Variants in FAAH2 observed in about 807,000 individuals in gnomAD.
FAAH2 encodes fatty-acid amide hydrolase 2.
FAAH2 carries 60 observed loss-of-function variants against 36.9 expected under a neutral mutation model. The ratio of observed to expected loss-of-function variants is 1.63; its 90% CI spans 1.32 to 2.02. The LOEUF is 2.02. Ranked by LOEUF, FAAH2 falls within the 30% of genes most tolerant of loss-of-function variation. FAAH2 has a pLI of 0.00. For missense variants in FAAH2, 689 were observed against 397.5 expected (o/e 1.73, Z -6.23); for synonymous variants, 214 against 143.8 (o/e 1.49, Z -3.49).
chrX:57,443,709 G>C (rs1213416989), intron 8 of FAAH2, among the ~76,000 whole-genome samples: 1 of 111,728 alleles, frequency 9.0e-6, no homozygotes, highest in Admixed American at 9.5e-5. Context: ...AGAATTTTCA[G>C]CTTTTCTGCT....
Position 57,322,203 on chromosome X carries a change from C to T in FAAH2, c.413-9395C>T, listed in dbSNP as rs928374350. Among the ~76,000 whole-genome samples, 5 of 111,598 alleles carry T rather than the reference C, an allele frequency of 4.5e-5. No homozygotes were observed. The Admixed American group carries it at 4.8e-4, about 11-fold the overall frequency. On this transcript the variant is annotated intron_variant, in intron 3 of 10. Coordinates refer to ENST00000374900, the MANE Select transcript of FAAH2 (RefSeq NM_174912.4). Reference sequence around the variant, plus strand: ...ATTTTTAGTAGAGACGGGGTTTCACCGTGGTCTCGATCTTCTGACCTCGTG... The same window carrying T: ...ATTTTTAGTAGAGACGGGGTTTCACTGTGGTCTCGATCTTCTGACCTCGTG...
At chrX:57,237,758 G>A in the FAAH2 span, among the ~76,000 whole-genome samples, 1 of 110,418 alleles carries the variant, frequency 9.1e-6, no homozygotes, top group South Asian at 3.8e-4. Context: ...ATCTGAAAAA[G>A]ATCTAATATC....
chrX:57,165,471 A>G, the FAAH2 span, among the ~76,000 whole-genome samples: 1 of 109,895 alleles, frequency 9.1e-6, no homozygotes, highest in Non-Finnish European at 1.9e-5. Flanking sequence ...ATTCTCACTC[A>G]TAGATGGGAA....
chrX:57,455,333 T>C (rs946479913), intron 10 of FAAH2, among the ~76,000 whole-genome samples: 20 of 111,092 alleles, frequency 1.8e-4, no homozygotes, highest in African/African-American at 5.2e-4. Context: ...GACCAAAACT[T>C]GCTACCTCAA....
At chrX:57,417,888 G>T (rs2055887845) in intron 7 of FAAH2, among the ~76,000 whole-genome samples, 1 of 111,865 alleles carries the variant, frequency 8.9e-6, no homozygotes, top group Admixed American at 9.5e-5. Flanking sequence ...TCTGTAAGCT[G>T]CTGACTGGGG....
the FAAH2 span, among the ~76,000 whole-genome samples, chrX:57,191,838 T>C: frequency 8.9e-6 from 1 of 112,108 alleles, no homozygotes; most frequent in African/African-American, 3.2e-5. Flanking sequence ...CTTCTATTGG[T>C]CTATGCATCT....
intron 10 of FAAH2, among the ~76,000 whole-genome samples, chrX:57,480,926 TG>T (rs1284847984): frequency 1.8e-5 from 2 of 110,247 alleles, no homozygotes; most frequent in South Asian, 3.8e-4. Context: ...TTGGAGGCTT[TG>T]TTTTTTTTTC....
At chrX:57,248,054 A>G in the FAAH2 span, among the ~76,000 whole-genome samples, 1 of 112,425 alleles carries the variant, frequency 8.9e-6, no homozygotes, top group Admixed American at 9.4e-5. Context: ...AATAATCCAA[A>G]TAAAGTATCT....
chrX:57,316,558 G>C (rs1303849954), intron 3 of FAAH2, among the ~76,000 whole-genome samples: 2 of 110,812 alleles, frequency 1.8e-5, no homozygotes, highest in Admixed American at 1.9e-4. Context: ...AGAAAACTCA[G>C]AAATAAAGTC....
the FAAH2 span, among the ~76,000 whole-genome samples, chrX:57,124,104 C>T: frequency 3.6e-5 from 4 of 111,328 alleles, no homozygotes; most frequent in Admixed American, 9.5e-5. Flanking sequence ...ATGATATTGC[C>T]TAGGTTTTCT....
intron 5 of FAAH2, among the ~76,000 whole-genome samples, chrX:57,352,136 G>A (rs756034695): frequency 2.7e-4 from 9 of 33,527 alleles, no homozygotes; most frequent in African/African-American, 9.1e-4. Context: ...ATATATATAT[G>A]TGTATATATA....
At chrX:57,301,995 C>A (rs1281597683) in intron 2 of FAAH2, among the ~76,000 whole-genome samples, 1 of 112,314 alleles carries the variant, frequency 8.9e-6, no homozygotes, top group African/African-American at 3.2e-5. Flanking sequence ...TTATTGTTCA[C>A]TGTTTTTCTT....
At chrX:57,478,385 A>G (rs2057312157) in intron 10 of FAAH2, among the ~76,000 whole-genome samples, 1 of 111,272 alleles carries the variant, frequency 9.0e-6, no homozygotes, top group Admixed American at 9.5e-5. Context: ...GATTCTGGAT[A>G]TTAGCCCTTT....
chrX:57,375,228 T>G (rs1458596242), intron 5 of FAAH2, among the ~76,000 whole-genome samples: 1 of 110,327 alleles, frequency 9.1e-6, no homozygotes, highest in Non-Finnish European at 1.9e-5. Flanking sequence ...TAGGTGATAC[T>G]GGCTTCACAG....
At chrX:57,292,666 A>T in intron 2 of FAAH2, 86 bp downstream of exon 2, 1 of 746,674 alleles carries the variant, frequency 1.3e-6, no homozygotes. Flanking sequence ...TATTTCCTAG[A>T]TTCTTCTTTC....
At chrX:57,200,816 G>A in the FAAH2 span, among the ~76,000 whole-genome samples, 1 of 111,621 alleles carries the variant, frequency 9.0e-6, no homozygotes, top group African/African-American at 3.3e-5. Context: ...CTATTACTGT[G>A]TTATAATATT....
chrX:57,262,634 A>T, the FAAH2 span, among the ~76,000 whole-genome samples: 2,437 of 111,667 alleles, frequency 0.022, 57 homozygotes, highest in African/African-American at 0.075. Flanking sequence ...TATTACTCTG[A>T]TAACAAATCT....
chrX:57,218,455 A>C, the FAAH2 span, among the ~76,000 whole-genome samples: 1 of 112,143 alleles, frequency 8.9e-6, no homozygotes, highest in African/African-American at 3.2e-5. Context: ...TATTGAGATG[A>C]TCATGTGATT....
the FAAH2 span, among the ~76,000 whole-genome samples, chrX:57,242,178 G>T: frequency 3.2e-4 from 36 of 111,975 alleles, no homozygotes; most frequent in African/African-American, 1.1e-3. Context: ...GCTCCCAGCA[G>T]GGGTCAGCAG....
Sources: allele counts gnomAD v4.1 joint callset (sites outside exome capture counted in the v4.1 genomes callset), GRCh38; gene constraint gnomAD v4.1.1; transcripts MANE v1.5; gene names NCBI Gene and HGNC (gene_info 2026-07-23, HGNC 2026-07-21).